ADGRE3: variants seen among roughly 807,000 people sequenced by gnomAD.
ADGRE3 encodes adhesion G protein-coupled receptor E3.
ADGRE3 carries 88 observed loss-of-function variants against 80.1 expected under a neutral mutation model. The ratio of observed to expected loss-of-function variants is 1.10; its 90% CI spans 0.93 to 1.31. The LOEUF (loss-of-function observed/expected upper bound fraction) is 1.31, where lower values mean the gene tolerates loss of function less well. ADGRE3 is among the 40% of genes most tolerant of loss of function. The pLI, the probability that ADGRE3 is intolerant of heterozygous loss-of-function variation, is 0.00. For synonymous variants in ADGRE3, 281 were observed against 294.8 expected, an observed-to-expected ratio of 0.95 and a Z score of 0.48; for missense variants, 715 against 776.5, an observed-to-expected ratio of 0.92 and a Z score of 0.94.
chr19:14,627,277 C>T (rs563169736), intron 14 of ADGRE3, among the ~76,000 whole-genome samples: 3 of 152,254 alleles, frequency 2.0e-5, no homozygotes, highest in African/African-American at 7.2e-5. Flanking sequence ...TTCTGATATG[C>T]CATAAACACC....
chr19:14,665,164 T>C (rs900089219), intron 2 of ADGRE3, among the ~76,000 whole-genome samples: 2 of 149,454 alleles, frequency 1.3e-5, no homozygotes. Context: ...CCTGGGTTCA[T>C]GCCATTCTCC....
the ADGRE3 span, chr19:14,610,595 C>A: frequency 5.4e-6 from 1 of 183,518 alleles, no homozygotes; most frequent in Non-Finnish European, 1.2e-5. Flanking sequence ...GCTCCTTTTC[C>A]TGCAGCCTCA....
At chr19:14,658,331 T>C in intron 5 of ADGRE3, 182 bp downstream of exon 5, 1 of 272,906 alleles carries the variant, frequency 3.7e-6, no homozygotes. Context: ...TGATATTATA[T>C]GGTAATAATA....
intron 1 of ADGRE3, among the ~76,000 whole-genome samples, chr19:14,671,830 C>T (rs546457675): frequency 5.3e-5 from 8 of 151,794 alleles, no homozygotes; most frequent in Admixed American, 2.0e-4. Flanking sequence ...TCTGTTGCCC[C>T]GGTTGGAGTG....
Position 14,620,533 on chromosome 19 carries a change from T to TGA in ADGRE3, c.1921-1063_1921-1062insTC, listed in dbSNP as rs1177044975. Among the ~76,000 whole-genome samples the TGA allele has an allele frequency of 8.3e-4, 11 of 13,294 alleles. 1 individual carries two copies. Among genetic ancestry groups the TGA allele is most frequent in the Admixed American group, 2.1e-3 (2 of 938 alleles). 8.7% of individuals were successfully genotyped at this position (13,294 alleles called of 152,430 possible). A position where few individuals can be genotyped will look rare whatever the true frequency, so the allele number is the denominator to read the frequency against. The stretch of plus-strand genomic sequence containing the variant: ...TATTATGACTATATATGAATATATA[T>TGA]ATTTTATATATATATTATATATATA... On this transcript the variant is annotated intron_variant, in intron 15 of 15. Coordinates refer to ENST00000253673, the MANE Select transcript of ADGRE3 (RefSeq NM_032571.5).
chr19:14,648,014 G>T (rs1039548999), intron 7 of ADGRE3, among the ~76,000 whole-genome samples: 1 of 148,986 alleles, frequency 6.7e-6, no homozygotes, highest in Non-Finnish European at 1.5e-5. Context: ...CCCAAGAGGC[G>T]GAGGCTGAAG....
At chr19:14,608,015 C>T in the ADGRE3 span, among the ~76,000 whole-genome samples, 2 of 151,994 alleles carry the variant, frequency 1.3e-5, no homozygotes, top group South Asian at 4.2e-4. Context: ...GGACCACAGT[C>T]ACACACCACC....
At chr19:14,628,441 A>AAAATAAATAAAT (rs564499487) in intron 14 of ADGRE3, among the ~76,000 whole-genome samples, 2 of 151,906 alleles carry the variant, frequency 1.3e-5, no homozygotes, top group African/African-American at 2.4e-5. Context: ...TCTGTCTCAA[A>AAAATAAATAAAT]AAATAAATAA....
At chr19:14,671,710 C>T (rs1287823220) in intron 1 of ADGRE3, among the ~76,000 whole-genome samples, 1 of 152,160 alleles carries the variant, frequency 6.6e-6, no homozygotes, top group Non-Finnish European at 1.5e-5. Flanking sequence ...ATTCACAGAA[C>T]ATTTTGAATA....
chr19:14,674,000 G>A (rs1487626735), intron 1 of ADGRE3, among the ~76,000 whole-genome samples: 7 of 151,998 alleles, frequency 4.6e-5, no homozygotes, highest in Non-Finnish European at 1.0e-4. Context: ...TTTGGTGTTT[G>A]AGTTATTTCA....
the ADGRE3 span, among the ~76,000 whole-genome samples, chr19:14,609,313 TAG>T: frequency 6.6e-6 from 1 of 152,130 alleles, no homozygotes; most frequent in South Asian, 2.1e-4. Context: ...AGGCTGAGGC[TAG>T]AGTCATCTGA....
chr19:14,611,873 A>C, the ADGRE3 span, among the ~76,000 whole-genome samples: 1 of 152,036 alleles, frequency 6.6e-6, no homozygotes, highest in Admixed American at 6.6e-5. Context: ...GCGTGGTGGC[A>C]TGTGCCTGTA....
chr19:14,652,836 C>T (rs1408115479), intron 6 of ADGRE3, among the ~76,000 whole-genome samples: 2 of 149,746 alleles, frequency 1.3e-5, no homozygotes, highest in African/African-American at 4.9e-5. Flanking sequence ...GAAACTACTA[C>T]TGGTTTGTCT....
At chr19:14,616,553 G>A (rs2075076168), downstream of ADGRE3, among the ~76,000 whole-genome samples, 2 of 151,728 alleles carry the variant, frequency 1.3e-5, no homozygotes, top group South Asian at 4.2e-4. Context: ...TGGCATCAGG[G>A]AAGCCAAGAG....
rs564509198 is a variant in ADGRE3 at position 14,674,734 on chromosome 19, A to G, written c.25+12T>C. 4 of 1,613,338 alleles carry G rather than the reference A, an allele frequency of 2.5e-6. No individual in the cohort carries two copies. Among genetic ancestry groups the G allele is most frequent in the Non-Finnish European group, 2.5e-6 (3 of 1,179,678 alleles). On this transcript the variant is annotated intron_variant, in intron 1 of 15. Transcript: ENST00000253673. The stretch of plus-strand genomic sequence containing the variant: ...TAGGTTAAGCCTCAGTCATTGTTAC[A>G]GTCACACATACCTGGAAGAAGCAAT...
At chr19:14,674,078 A>G (rs1386845180) in intron 1 of ADGRE3, among the ~76,000 whole-genome samples, 1 of 152,166 alleles carries the variant, frequency 6.6e-6, no homozygotes, top group Non-Finnish European at 1.5e-5. Context: ...GGAAAATGAT[A>G]AAGGAGGGAG....
rs1477531993 is a variant in ADGRE3 at position 14,638,342 on chromosome 19, T to G, written c.1249-2A>C. ...ACCGGCGATGATGGAGCACAGCACCTGGGGGAGGAGAAAGGGATGCCTGAA... is the reference window on the plus strand; with the variant it reads ...ACCGGCGATGATGGAGCACAGCACCGGGGGGAGGAGAAAGGGATGCCTGAA... On this transcript the variant is annotated splice_acceptor_variant, in intron 10 of 15. Coordinates refer to ENST00000253673, the MANE Select transcript of ADGRE3 (RefSeq NM_032571.5). LOFTEE classifies it high-confidence loss of function. The G allele has an allele frequency of 2.5e-6, 4 of 1,612,486 alleles. No individual in the cohort carries two copies. The highest frequency in any genetic ancestry group is 3.4e-6 in the Non-Finnish European group (4 of 1,178,624).
At chr19:14,642,158 A>G (rs1326407435) in intron 9 of ADGRE3, among the ~76,000 whole-genome samples, 1 of 152,168 alleles carries the variant, frequency 6.6e-6, no homozygotes, top group Non-Finnish European at 1.5e-5. Context: ...TGAACTGTAT[A>G]TACATTTAAA....
intron 9 of ADGRE3, among the ~76,000 whole-genome samples, chr19:14,643,442 C>A (rs913089485): frequency 6.6e-6 from 1 of 151,900 alleles, no homozygotes; most frequent in East Asian, 1.9e-4. Flanking sequence ...CTGTGCCTGG[C>A]CCAGTAATCA....
Sources: allele counts gnomAD v4.1 joint callset (sites outside exome capture counted in the v4.1 genomes callset), GRCh38; gene constraint gnomAD v4.1.1; transcripts MANE v1.5; gene names NCBI Gene and HGNC (gene_info 2026-07-23, HGNC 2026-07-21).